KIF26B: variants seen among roughly 807,000 people sequenced by gnomAD.
KIF26B encodes the protein kinesin family member 26B.
In KIF26B, 63 loss-of-function variants were observed where a neutral mutation model predicts 151.2. That is an observed-to-expected ratio of 0.42 (90% CI 0.34 to 0.51). KIF26B has a LOEUF of 0.51. KIF26B is among the 20% of genes least tolerant of loss of function. KIF26B has a pLI of 0.07. For synonymous variants in KIF26B, 1,357 were observed against 1,262.1 expected (o/e 1.08, Z -1.59); for missense variants, 2,813 against 2,913.6 (o/e 0.97, Z 0.79).
intron 2 of KIF26B, among the ~76,000 whole-genome samples, chr1:245,301,713 A>C (rs981861063): frequency 9.9e-5 from 15 of 152,246 alleles, no homozygotes; most frequent in African/African-American, 3.6e-4. Context: ...TATCATTTCA[A>C]ATGCTTACCG....
intron 2 of KIF26B, among the ~76,000 whole-genome samples, chr1:245,267,636 A>G (rs1272231980): frequency 1.7e-4 from 3 of 17,458 alleles, no homozygotes; most frequent in African/African-American, 2.0e-3. Context: ...TAAGTAATGC[A>G]CACACACACA....
intron 2 of KIF26B, among the ~76,000 whole-genome samples, chr1:245,214,547 G>GC (rs1669604833): frequency 6.6e-6 from 1 of 152,126 alleles, no homozygotes; most frequent in South Asian, 2.1e-4. Flanking sequence ...TCCAGTGCAG[G>GC]TGTGCTGAAG....
At chr1:245,604,727 G>A (rs947232853) in intron 6 of KIF26B, among the ~76,000 whole-genome samples, 4 of 152,218 alleles carry the variant, frequency 2.6e-5, no homozygotes, top group African/African-American at 9.6e-5. Context: ...CTCGGCTGCA[G>A]AGCTCAGTAT....
intron 2 of KIF26B, among the ~76,000 whole-genome samples, chr1:245,297,285 A>G (rs1486426760): frequency 1.3e-5 from 2 of 152,192 alleles, no homozygotes; most frequent in Non-Finnish European, 2.9e-5. Flanking sequence ...AGAGGTTGCA[A>G]TGAGCCGAGA....
chr1:245,429,715 G>A (rs1261839152), intron 4 of KIF26B, among the ~76,000 whole-genome samples: 1 of 152,218 alleles, frequency 6.6e-6, no homozygotes, highest in African/African-American at 2.4e-5. Flanking sequence ...CTGGGTTCAA[G>A]CAATTCTTCC....
intron 4 of KIF26B, among the ~76,000 whole-genome samples, chr1:245,481,352 G>C (rs1381548095): frequency 1.3e-5 from 2 of 151,864 alleles, no homozygotes; most frequent in Non-Finnish European, 2.9e-5. Flanking sequence ...CAGTCAATCT[G>C]TCTAGAGAAC....
chr1:245,581,812 G>A (rs2043176767), intron 5 of KIF26B, among the ~76,000 whole-genome samples: 1 of 152,164 alleles, frequency 6.6e-6, no homozygotes, highest in African/African-American at 2.4e-5. Flanking sequence ...AGCACTTTGG[G>A]AGGCTGAGGT....
chr1:245,589,903 T>G (rs112255668), intron 5 of KIF26B, among the ~76,000 whole-genome samples: 69 of 152,330 alleles, frequency 4.5e-4, no homozygotes, highest in African/African-American at 1.6e-3. Context: ...AGTTTTCATA[T>G]TGATCATGCA....
chr1:245,501,922 G>A (rs551492281), intron 4 of KIF26B, among the ~76,000 whole-genome samples: 6 of 152,220 alleles, frequency 3.9e-5, no homozygotes, highest in South Asian at 2.1e-4. Context: ...TTCATGGGAC[G>A]CCAGCTGTAC....
chr1:245,414,369 G>A (rs1477092215), intron 3 of KIF26B, among the ~76,000 whole-genome samples: 1 of 152,216 alleles, frequency 6.6e-6, no homozygotes, highest in Non-Finnish European at 1.5e-5. Context: ...AGTCCCTCAA[G>A]GAATTCAGTG....
rs1558282499 is a variant in KIF26B at position 245,703,134 on chromosome 1, G to A, written c.*528G>A. The A allele has an allele frequency of 6.5e-6, 1 of 153,110 alleles. No individual in the cohort carries two copies. The highest frequency in any genetic ancestry group is 1.9e-4 in the East Asian group (1 of 5,216). 9.5% of individuals were successfully genotyped at this position (153,110 alleles called of 1,614,324 possible). The stretch of plus-strand genomic sequence containing the variant: ...AAAACATTTTGGAAATGTATTCACA[G>A]CTCTTTTTCTCTTGGTGTTTTATCC... On this transcript the variant is annotated 3_prime_UTR_variant, in exon 15 of 15. Transcript: ENST00000407071.
chr1:245,387,267 C>T lies in KIF26B; in HGVS notation c.999+19900C>T, dbSNP rs146414389. 1.9e-3 allele frequency among the ~76,000 whole-genome samples: 289 copies of T among 151,330 alleles called. 2 individuals are homozygous for T. The highest frequency in any genetic ancestry group is 6.4e-3 in the African/African-American group (263 of 41,166). The stretch of plus-strand genomic sequence containing the variant: ...GCAACCTCTGCCTCCCCAGTTCAAG[C>T]GATTCTCCTGCCTCAGCCTCCCGAG... On this transcript the variant is annotated intron_variant, in intron 3 of 14. Coordinates refer to ENST00000407071, the MANE Select transcript of KIF26B (RefSeq NM_018012.4).
At chr1:245,640,093 A>G (rs1374871937) in intron 9 of KIF26B, among the ~76,000 whole-genome samples, 2 of 106,640 alleles carry the variant, frequency 1.9e-5, no homozygotes, top group African/African-American at 3.7e-5. Flanking sequence ...ATTGTAGTCT[A>G]CCTCTCCTGT....
intron 3 of KIF26B, among the ~76,000 whole-genome samples, chr1:245,388,723 A>G (rs491725): frequency 0.52 from 79,834 of 152,072 alleles, 21,061 homozygotes; most frequent in Admixed American, 0.59. Flanking sequence ...GATCAATCTG[A>G]CCCTTACACT....
intron 4 of KIF26B, among the ~76,000 whole-genome samples, chr1:245,464,478 TGTGTGCCCGTGGGTGTGTGTGGGC>T (rs1659725518): frequency 6.8e-6 from 1 of 146,736 alleles, no homozygotes; most frequent in Non-Finnish European, 1.5e-5. Context: ...CGTGTGGGGG[TGTGTGCCCGTGGGTGTGTGTGGGC>T]GTGTGCATGT....
rs1672329144 is a variant in KIF26B at position 245,341,313 on chromosome 1, T to TG, written c.466-25521_466-25520insG. 1.1e-3 allele frequency among the ~76,000 whole-genome samples: 77 copies of TG among 67,720 alleles called. 1 individual carries two copies. Among genetic ancestry groups the TG allele is most frequent in the African/African-American group, 9.8e-3 (34 of 3,476 alleles). 44.4% of individuals were successfully genotyped at this position (67,720 alleles called of 152,430 possible). ...GCTTAAAAAGATGCAGTTTTTTTTT[T>TG]TTTTTTTTTTTTTTTTTTTTTTTTT... On this transcript the variant is annotated intron_variant, in intron 2 of 14. Coordinates refer to ENST00000407071, the MANE Select transcript of KIF26B (RefSeq NM_018012.4).
At chr1:245,203,184 T>C in intron 2 of KIF26B, among the ~76,000 whole-genome samples, 1 of 142,196 alleles carries the variant, frequency 7.0e-6, no homozygotes, top group Admixed American at 7.3e-5. Context: ...GAGGCAGAGG[T>C]TTCAGTGAGC....
intron 5 of KIF26B, among the ~76,000 whole-genome samples, chr1:245,579,659 AAACAAAC>A (rs1317412092): frequency 3.2e-5 from 1 of 31,294 alleles, no homozygotes; most frequent in Non-Finnish European, 5.3e-5. Context: ...AAAATACAAA[AAACAAAC>A]AAACAAACAA....
At chr1:245,298,870 G>A (rs911104374) in intron 2 of KIF26B, among the ~76,000 whole-genome samples, 1 of 152,168 alleles carries the variant, frequency 6.6e-6, no homozygotes, top group Non-Finnish European at 1.5e-5. Context: ...CTAGCATTCC[G>A]AACAATTCTG....
Sources: allele counts gnomAD v4.1 joint callset (sites outside exome capture counted in the v4.1 genomes callset), GRCh38; gene constraint gnomAD v4.1.1; transcripts MANE v1.5; gene names NCBI Gene and HGNC (gene_info 2026-07-23, HGNC 2026-07-21).